Variants in CREBBP observed in about 807,000 individuals in gnomAD.
CREBBP encodes the protein CREB-binding protein.
CREBBP carries 19 observed loss-of-function variants against 265.0 expected under a neutral mutation model. The ratio of observed to expected loss-of-function variants is 0.07; its 90% CI spans 0.05 to 0.11. The LOEUF (loss-of-function observed/expected upper bound fraction) is 0.11, where lower values mean the gene tolerates loss of function less well. Among genes scored for constraint, CREBBP ranks in the 10% least tolerant of loss-of-function variants. The pLI is 1.00. For missense variants in CREBBP, 2,525 were observed against 3,219.0 expected, an observed-to-expected ratio of 0.78 and a Z score of 5.22; for synonymous variants, 1,457 against 1,223.7, an observed-to-expected ratio of 1.19 and a Z score of -3.98.
At chr16:3,879,716 G>T (rs1274491159) in intron 1 of CREBBP, 116 bp downstream of exon 1, 3 of 1,108,462 alleles carry the variant, frequency 2.7e-6, no homozygotes, top group Non-Finnish European at 4.0e-6. Context: ...GGGCTGCGGG[G>T]CCTGCTCCGA....
chr16:3,780,150 G>A (rs1278548953), intron 8 of CREBBP, among the ~76,000 whole-genome samples: 8 of 150,450 alleles, frequency 5.3e-5, no homozygotes, highest in African/African-American at 1.7e-4. Context: ...GCTGAGGCAG[G>A]AGAATCACTT....
At chr16:3,852,847 CAT>C (rs1343980269) in intron 1 of CREBBP, among the ~76,000 whole-genome samples, 4 of 152,042 alleles carry the variant, frequency 2.6e-5, no homozygotes, top group Non-Finnish European at 4.4e-5. Flanking sequence ...GTGGTCTACA[CAT>C]GTCATCTCTA....
chr16:3,773,012 CG>C (rs1224804222), intron 13 of CREBBP, among the ~76,000 whole-genome samples: 6 of 151,612 alleles, frequency 4.0e-5, no homozygotes, highest in Non-Finnish European at 8.8e-5. Context: ...CGCTTGAACC[CG>C]GGAGGCGGAG....
intron 16 of CREBBP, 114 bp downstream of exon 16, chr16:3,767,606 A>T (rs1011794577): frequency 5.7e-6 from 8 of 1,413,202 alleles, no homozygotes; most frequent in Admixed American, 3.6e-5. Context: ...CAGGCAAGAA[A>T]GGTAAAAGGG....
intron 1 of CREBBP, among the ~76,000 whole-genome samples, chr16:3,853,625 A>C (rs111353912): frequency 1.7e-4 from 26 of 149,644 alleles, no homozygotes; most frequent in African/African-American, 5.2e-4. Context: ...CCATCTCAAA[A>C]AAACAAACAA....
rs2141488926 is a variant in CREBBP, at chr16:3,850,287, G to A, written c.798+10C>T. On this transcript the variant is annotated intron_variant, in intron 2 of 30. Transcript: ENST00000262367. ...GGTAGGAAGTATTGAAAGTGCTTCAGTTCACTTACCTTGGCCATGCCTCCT... is the reference window on the plus strand; with the variant it reads ...GGTAGGAAGTATTGAAAGTGCTTCAATTCACTTACCTTGGCCATGCCTCCT... 2 of 1,614,074 alleles carry A rather than the reference G, an allele frequency of 1.2e-6. No homozygotes were observed. The highest frequency in any genetic ancestry group is 1.7e-6 in the Non-Finnish European group (2 of 1,179,912).
rs2052317112 is a variant in CREBBP at position 3,745,359 on chromosome 16, G to A, written c.3837-5C>T. 3 of 1,613,916 alleles carry A rather than the reference G, an allele frequency of 1.9e-6. No homozygotes were observed. The highest frequency in any genetic ancestry group is 1.7e-6 in the Non-Finnish European group (2 of 1,179,910). On this transcript the variant is annotated splice_region_variant and splice_polypyrimidine_tract_variant and intron_variant, in intron 21 of 30. Transcript: ENST00000262367. ...CACTCCTTGCAATCAACGAAACTAG[G>A]AGGCAAAGAAGGCGCACTGTTAAAG...
At position 3,781,278 on chromosome 16, in the gene CREBBP, T is replaced by C; in HGVS notation, c.1602A>G (p.Gly534=). ...GGGGCTGCTGATCTGTTGTTATTCC[T>C]CCTGCTGGAATGTTCATTGGATTAT... ...LGNNPMNIPA[G]GITTDQQPPN... Residue 534 remains glycine, a synonymous_variant, in exon 7 of 31, where the codon GGA becomes GGG. Coordinates refer to ENST00000262367, the MANE Select transcript of CREBBP (RefSeq NM_004380.3). The C allele has an allele frequency of 6.2e-7, 1 of 1,613,908 alleles. No individual in the cohort carries two copies. Among genetic ancestry groups the C allele is most frequent in the Non-Finnish European group, 8.5e-7 (1 of 1,179,836 alleles).
intron 23 of CREBBP, among the ~76,000 whole-genome samples, chr16:3,744,452 C>T (rs1355352992): frequency 6.6e-6 from 1 of 152,246 alleles, no homozygotes; most frequent in Non-Finnish European, 1.5e-5. Context: ...AACCTTTCAT[C>T]TAAAACATGC....
intron 14 of CREBBP, among the ~76,000 whole-genome samples, chr16:3,770,291 C>T (rs1045243790): frequency 2.0e-5 from 3 of 152,148 alleles, no homozygotes; most frequent in African/African-American, 7.2e-5. Flanking sequence ...AAGTGATCTT[C>T]CCACCTAAGC....
Position 3,728,689 on chromosome 16 carries a change from C to CGGGCTGGGACTGG in CREBBP, c.6357_6358insCCAGTCCCAGCCC (p.Gly2120ProfsTer225). 6.2e-7 allele frequency: 1 copy of CGGGCTGGGACTGG among 1,613,878 alleles called. No homozygotes were observed. The highest frequency in any genetic ancestry group is 8.5e-7 in the Non-Finnish European group (1 of 1,179,948). ...TGCATGCCGGGCTGGGACTGGAGGC[C>CGGGCTGGGACTGG]AGGCTGGGGCTGCATGCCGGGCTGA... On this transcript the variant is annotated frameshift_variant, in exon 31 of 31. Transcript: ENST00000262367. LOFTEE classifies it high-confidence loss of function. The surrounding 1 kb of genome is among the most constrained non-coding windows in gnomAD (Gnocchi z 8.7).
At chr16:3,747,302 C>A (rs571635926) in intron 21 of CREBBP, among the ~76,000 whole-genome samples, 1 of 152,210 alleles carries the variant, frequency 6.6e-6, no homozygotes, top group East Asian at 1.9e-4. Context: ...AAAGTCTAAA[C>A]GTCAAGAGAC....
chr16:3,823,874 C>T (rs538374650), intron 2 of CREBBP, among the ~76,000 whole-genome samples: 1 of 152,214 alleles, frequency 6.6e-6, no homozygotes, highest in African/African-American at 2.4e-5. Flanking sequence ...CACTAGGCAG[C>T]TATCACGTTG....
intron 3 of CREBBP, among the ~76,000 whole-genome samples, chr16:3,809,986 G>A (rs2053904757): frequency 6.6e-6 from 1 of 151,986 alleles, no homozygotes; most frequent in Non-Finnish European, 1.5e-5. Flanking sequence ...CTACCCCTCA[G>A]TGTTTTGAAA....
chr16:3,755,048 T>G (rs1231547361), intron 19 of CREBBP, among the ~76,000 whole-genome samples: 4 of 152,236 alleles, frequency 2.6e-5, no homozygotes, highest in Non-Finnish European at 5.9e-5. Context: ...ACGCCTACGC[T>G]TTAAAAATTA....
chr16:3,749,546 C>A, intron 21 of CREBBP, 81 bp downstream of exon 21: 1 of 915,772 alleles, frequency 1.1e-6, no homozygotes, highest in Non-Finnish European at 1.8e-6. Context: ...AATGTTTTTA[C>A]CCACAACCCA....
intron 3 of CREBBP, among the ~76,000 whole-genome samples, chr16:3,796,043 G>T (rs1033577847): frequency 1.3e-5 from 2 of 152,084 alleles, no homozygotes; most frequent in South Asian, 2.1e-4. Flanking sequence ...TTAATCTATT[G>T]TATCTTCCCT....
In CREBBP at chr16:3,872,638, C is replaced by G. The variant is rs547883923; in HGVS notation, c.85+7194G>C. Among the ~76,000 whole-genome samples the G allele has an allele frequency of 2.6e-5, 4 of 152,312 alleles. No homozygotes were observed. In the East Asian group the frequency reaches 5.8e-4, roughly 22 times the overall value. ...AGACCTCAGAGAGGACTAAAGGGAA[C>G]GCTGAGCGCATGTGCTAAAAAGCAG... is the stretch of plus-strand genomic sequence containing the variant. On this transcript the variant is annotated intron_variant, in intron 1 of 30. Transcript: ENST00000262367.
chr16:3,726,506 G>GCAA lies in CREBBP; in HGVS notation c.*1211_*1212insTTG, dbSNP rs1567257803. On this transcript the variant is annotated 3_prime_UTR_variant, in exon 31 of 31. Coordinates refer to ENST00000262367, the MANE Select transcript of CREBBP (RefSeq NM_004380.3). ...ACAGTTCCCAGCCACCACCCACGCC[G>GCAA]CCACAACCACAACCGCAGCCCCAGC... is the stretch of plus-strand genomic sequence containing the variant. 4.3e-6 allele frequency: 1 copy of GCAA among 233,374 alleles called. No individual in the cohort carries two copies. The highest frequency in any genetic ancestry group is 8.5e-6 in the Non-Finnish European group (1 of 118,114). 14.5% of individuals were successfully genotyped at this position (233,374 alleles called of 1,614,324 possible). A position where few individuals can be genotyped will look rare whatever the true frequency, so the allele number is the denominator to read the frequency against.
Sources: allele counts gnomAD v4.1 joint callset (sites outside exome capture counted in the v4.1 genomes callset), GRCh38; gene constraint gnomAD v4.1.1; non-coding constraint Gnocchi (gnomAD v3.1); transcripts MANE v1.5; gene names NCBI Gene and HGNC (gene_info 2026-07-23, HGNC 2026-07-21).